BLK: variants seen among roughly 807,000 people sequenced by gnomAD.
The protein encoded by BLK is tyrosine-protein kinase Blk.
BLK carries 64 observed loss-of-function variants against 61.8 expected under a neutral mutation model. That is an observed-to-expected ratio of 1.03 (90% CI 0.85 to 1.27). BLK has a LOEUF of 1.27. Ranked by LOEUF, BLK falls within the 50% of genes most tolerant of loss-of-function variation. The pLI is 0.00. For synonymous variants in BLK, 351 were observed against 272.0 expected, an observed-to-expected ratio of 1.29 and a Z score of -2.86; for missense variants, 853 against 660.5, an observed-to-expected ratio of 1.29 and a Z score of -3.19.
intron 1 of BLK, among the ~76,000 whole-genome samples, chr8:11,535,999 C>A (rs551734479): frequency 6.6e-6 from 1 of 152,172 alleles, no homozygotes; most frequent in Non-Finnish European, 1.5e-5. Context: ...AAACCTAAGA[C>A]GTTGAGTTAT....
chr8:11,563,901 A>G lies in BLK; in HGVS notation c.1313-2A>G, dbSNP rs781763931. On this transcript the variant is annotated splice_acceptor_variant, in intron 12 of 12. Transcript: ENST00000259089. LOFTEE classifies it high-confidence loss of function. ...CCCCGCTTGCGGTCTCCTCTGCCGC[A>G]GGGATGAGCAACCCCGAGGTCATCC... 1 of 1,608,114 alleles carries G rather than the reference A, an allele frequency of 6.2e-7. No individual in the cohort carries two copies.
intron 5 of BLK, 95 bp downstream of exon 5, chr8:11,549,217 C>T (rs973519322): frequency 1.5e-5 from 17 of 1,150,834 alleles, no homozygotes; most frequent in Non-Finnish European, 2.2e-5. Flanking sequence ...TGGGACTGAC[C>T]AGGGAGCCTG....
intron 1 of BLK, among the ~76,000 whole-genome samples, chr8:11,539,252 T>C (rs1800268903): frequency 6.6e-6 from 1 of 152,212 alleles, no homozygotes. Flanking sequence ...TTTGCAAATA[T>C]GGGATTCCCT....
At chr8:11,523,606 AT>A (rs1246336504) in intron 1 of BLK, among the ~76,000 whole-genome samples, 2 of 152,210 alleles carry the variant, frequency 1.3e-5, no homozygotes, top group Non-Finnish European at 1.5e-5. Context: ...ATTAAGAAAA[AT>A]ATTTACATTT....
intron 1 of BLK, among the ~76,000 whole-genome samples, chr8:11,510,591 A>T (rs1444216720): frequency 2.0e-5 from 3 of 152,072 alleles, no homozygotes; most frequent in Non-Finnish European, 4.4e-5. Context: ...GGCCCCAAAA[A>T]TGTTTTTTAA....
In BLK at chr8:11,517,578, C is replaced by A. The variant is rs141240255; in HGVS notation, c.-2+22987C>A. Reference sequence around the variant, plus strand: ...TAGCAGCTCAAGCCTTCCTCCCCGGCCTCATCTGCTTTCCCCGTGATGTTT... The same window carrying A: ...TAGCAGCTCAAGCCTTCCTCCCCGGACTCATCTGCTTTCCCCGTGATGTTT... On this transcript the variant is annotated intron_variant, in intron 1 of 12. Transcript: ENST00000259089. 6.5e-3 allele frequency among the ~76,000 whole-genome samples: 994 copies of A among 152,348 alleles called. 8 individuals are homozygous for A. Among genetic ancestry groups the A allele is most frequent in the African/African-American group, 0.022 (914 of 41,572 alleles).
chr8:11,497,275 TCTGCTACCCCACTGCCAGCCTG>T (rs1481201748), intron 1 of BLK, among the ~76,000 whole-genome samples: 2 of 152,130 alleles, frequency 1.3e-5, no homozygotes, highest in African/African-American at 2.4e-5. Flanking sequence ...TCCTGTCACA[TCTGCTACCCCACTGCCAGCCTG>T]CTGCTACCCC....
chr8:11,540,158 T>G (rs944742882), intron 1 of BLK, among the ~76,000 whole-genome samples: 1 of 152,148 alleles, frequency 6.6e-6, no homozygotes, highest in Non-Finnish European at 1.5e-5. Flanking sequence ...TTTAATTACA[T>G]TTTTGTTTTT....
At chr8:11,549,205 A>G in intron 5 of BLK, 83 bp downstream of exon 5, 2 of 1,275,902 alleles carry the variant, frequency 1.6e-6, no homozygotes, top group East Asian at 2.5e-5. Flanking sequence ...GCAGGGCCAG[A>G]GTGGGACTGA....
intron 10 of BLK, chr8:11,560,463 G>C (rs1441401599): frequency 4.1e-6 from 1 of 241,984 alleles, no homozygotes; most frequent in African/African-American, 2.3e-5. Flanking sequence ...AGCATAAGGA[G>C]AAGTGGAATC....
intron 9 of BLK, among the ~76,000 whole-genome samples, chr8:11,557,662 T>A (rs1348826944): frequency 6.6e-6 from 1 of 152,140 alleles, no homozygotes; most frequent in Admixed American, 6.5e-5. Flanking sequence ...GAGTCAGAAC[T>A]GGGGTCCCAC....
chr8:11,554,445 G>A (rs992138078), intron 6 of BLK, among the ~76,000 whole-genome samples: 1 of 152,116 alleles, frequency 6.6e-6, no homozygotes, highest in African/African-American at 2.4e-5. Flanking sequence ...ATGCCCAAGT[G>A]GGGACCTACA....
chr8:11,556,989 AG>A, intron 9 of BLK, 152 bp downstream of exon 9: 1 of 258,336 alleles, frequency 3.9e-6, no homozygotes, highest in Admixed American at 4.8e-5. Context: ...GGATGGAGGG[AG>A]GGGGAGGGAC....
rs536892082 is a variant in BLK, at chr8:11,498,739, C to T, written c.-2+4148C>T. ...TGTATACGAGCAGCCTTACCTGTCT[C>T]GGGTAGGTTAATTATATCCTCTCAG... is the stretch of plus-strand genomic sequence containing the variant. On this transcript the variant is annotated intron_variant, in intron 1 of 12. Transcript: ENST00000259089. Among the ~76,000 whole-genome samples, 136 of 152,260 alleles carry T rather than the reference C, an allele frequency of 8.9e-4. 2 individuals carry two copies. The South Asian group carries it at 0.022, about 24-fold the overall frequency.
intron 4 of BLK, 102 bp downstream of exon 4, chr8:11,548,227 T>C: frequency 9.8e-7 from 1 of 1,017,506 alleles, no homozygotes; most frequent in African/African-American, 1.6e-5. Flanking sequence ...CCTGGAAGTC[T>C]TCTCCATCGC....
chr8:11,537,248 G>C (rs937768070), intron 1 of BLK, among the ~76,000 whole-genome samples: 20 of 152,234 alleles, frequency 1.3e-4, no homozygotes, highest in African/African-American at 4.8e-4. Flanking sequence ...GATGAGTATA[G>C]CATTGGTGGT....
At chr8:11,502,121 C>T (rs2117246833) in intron 1 of BLK, among the ~76,000 whole-genome samples, 1 of 152,278 alleles carries the variant, frequency 6.6e-6, no homozygotes, top group African/African-American at 2.4e-5. Flanking sequence ...GCCTTATAGA[C>T]ACAGTCAGTT....
At chr8:11,558,232 C>T (rs1801324588) in intron 10 of BLK, among the ~76,000 whole-genome samples, 194 bp downstream of exon 10, 1 of 152,226 alleles carries the variant, frequency 6.6e-6, no homozygotes, top group African/African-American at 2.4e-5. Context: ...CACTGTGCCT[C>T]CTGCCCCACG....
intron 1 of BLK, among the ~76,000 whole-genome samples, chr8:11,529,551 G>T (rs1007744015): frequency 6.6e-6 from 1 of 152,150 alleles, no homozygotes; most frequent in Non-Finnish European, 1.5e-5. Context: ...AGTTTGGGGG[G>T]TGGGAGATCA....
Sources: allele counts gnomAD v4.1 joint callset (sites outside exome capture counted in the v4.1 genomes callset), GRCh38; gene constraint gnomAD v4.1.1; transcripts MANE v1.5; gene names NCBI Gene and HGNC (gene_info 2026-07-23, HGNC 2026-07-21).